The following CHN2 variants were observed in gnomAD, a reference collection of about 807,000 sequenced individuals.
CHN2 encodes beta-chimaerin.
In CHN2, 35 loss-of-function variants were observed where a neutral mutation model predicts 56.3. The ratio of observed to expected loss-of-function variants is 0.62; its 90% CI spans 0.47 to 0.82. The LOEUF (loss-of-function observed/expected upper bound fraction) is 0.82, where lower values mean the gene tolerates loss of function less well. CHN2 is among the 40% of genes least tolerant of loss of function. CHN2 has a pLI of 0.00. For missense variants in CHN2, 491 were observed against 580.5 expected, an observed-to-expected ratio of 0.85 and a Z score of 1.58; for synonymous variants, 210 against 212.8, an observed-to-expected ratio of 0.99 and a Z score of 0.12.
rs1783426446 is a variant in CHN2 at position 29,194,821 on chromosome 7, C to A, written c.-121C>A. The stretch of plus-strand genomic sequence containing the variant: ...AGAGTCCGGAGGCTGGTGCTTTCTG[C>A]GCGTCCCCAGGACTTTGCCATGGGC... On this transcript the variant is annotated 5_prime_UTR_variant, in exon 1 of 13. Coordinates refer to ENST00000222792, the MANE Select transcript of CHN2 (RefSeq NM_004067.4). 3 of 855,668 alleles carry A rather than the reference C, an allele frequency of 3.5e-6. No homozygotes were observed. The highest frequency in any genetic ancestry group is 3.7e-4 in the Middle Eastern group (1 of 2,690). The allele number at this position is 855,668 out of a possible 1,614,324, so 53.0% of individuals were successfully genotyped here.
intron 2 of CHN2, among the ~76,000 whole-genome samples, chr7:29,151,400 A>G (rs967852743): frequency 2.0e-5 from 3 of 152,224 alleles, no homozygotes; most frequent in Admixed American, 6.5e-5. Flanking sequence ...TACAAAAGGC[A>G]TATTTTCAGT....
rs564857342 is a variant in CHN2, at chr7:29,212,581, G to A, written c.49+17591G>A. 5.4e-5 allele frequency: 77 copies of A among 1,424,016 alleles called. No homozygotes were observed. In the Admixed American group the frequency reaches 6.0e-4, roughly 11 times the overall value. 88.2% of individuals were successfully genotyped at this position (1,424,016 alleles called of 1,614,324 possible). Reference sequence around the variant, plus strand: ...AAAAGGGAGACGAGGTCCCAGTCAAGAAACAGAAGACCAGAACTGTGTTTT... The same window carrying A: ...AAAAGGGAGACGAGGTCCCAGTCAAAAAACAGAAGACCAGAACTGTGTTTT... On this transcript the variant is annotated intron_variant, in intron 1 of 12. Transcript: ENST00000222792.
intron 1 of CHN2, among the ~76,000 whole-genome samples, chr7:29,277,852 G>A (rs755362403): frequency 3.9e-5 from 6 of 152,174 alleles, no homozygotes; most frequent in Non-Finnish European, 7.3e-5. Flanking sequence ...CATTTATTGA[G>A]TGTAGTTGTT....
chr7:29,252,451 G>T (rs998330133), intron 1 of CHN2, among the ~76,000 whole-genome samples: 1 of 151,512 alleles, frequency 6.6e-6, no homozygotes, highest in East Asian at 2.0e-4. Flanking sequence ...GCCTCCCAAA[G>T]TGCTGGGATT....
At chr7:29,472,416 A>AT (rs1786180892) in intron 6 of CHN2, among the ~76,000 whole-genome samples, 2 of 152,142 alleles carry the variant, frequency 1.3e-5, no homozygotes, top group African/African-American at 4.8e-5. Flanking sequence ...GAAAGTGTAG[A>AT]TTTCCCACAC....
chr7:29,512,914 A>G lies in CHN2; in HGVS notation c.*179A>G. The G allele has an allele frequency of 1.7e-6, 1 of 593,706 alleles. No individual in the cohort carries two copies. The highest frequency in any genetic ancestry group is 3.5e-5 in the Admixed American group (1 of 28,806). 36.8% of individuals were successfully genotyped at this position (593,706 alleles called of 1,614,324 possible). A position where few individuals can be genotyped will look rare whatever the true frequency, so the allele number is the denominator to read the frequency against. On this transcript the variant is annotated 3_prime_UTR_variant, in exon 13 of 13. Coordinates refer to ENST00000222792, the MANE Select transcript of CHN2 (RefSeq NM_004067.4). Reference sequence around the variant, plus strand: ...AGACATGCGCCACCTCCACGTGAGAACAAGGGTGAAGGTGAGGGAAGCCCC... The same window carrying G: ...AGACATGCGCCACCTCCACGTGAGAGCAAGGGTGAAGGTGAGGGAAGCCCC...
chr7:29,351,763 C>T (rs1196972008), intron 1 of CHN2, among the ~76,000 whole-genome samples: 2 of 152,104 alleles, frequency 1.3e-5, no homozygotes, highest in African/African-American at 2.4e-5. Flanking sequence ...AAATTGTCTA[C>T]GGTGGAGTCA....
At chr7:29,156,396 G>T (rs1460809554) in intron 2 of CHN2, among the ~76,000 whole-genome samples, 1 of 152,148 alleles carries the variant, frequency 6.6e-6, no homozygotes, top group African/African-American at 2.4e-5. Context: ...TTATAAATCT[G>T]AGGCACTGTA....
chr7:29,480,168 T>A, intron 6 of CHN2, 111 bp from the exon 7 acceptor site: 1 of 1,600,030 alleles, frequency 6.2e-7, no homozygotes, highest in Non-Finnish European at 8.5e-7. Flanking sequence ...GGTTCGGAAG[T>A]CTAAGCAGGG....
intron 2 of CHN2, among the ~76,000 whole-genome samples, chr7:29,155,477 C>T (rs763426739): frequency 3.3e-5 from 5 of 152,162 alleles, no homozygotes; most frequent in Non-Finnish European, 5.9e-5. Flanking sequence ...ATTATATTCT[C>T]CATTTTCTAA....
rs968701270 is a variant in CHN2, at chr7:29,343,084, T to C, written c.50-11541T>C. Among the ~76,000 whole-genome samples, 7 of 152,268 alleles carry C rather than the reference T, an allele frequency of 4.6e-5. No individual in the cohort carries two copies. In the East Asian group the frequency reaches 1.4e-3, roughly 29 times the overall value. ...GAAAACATTCCTTTGATGAAAATAA[T>C]TTGTAAAGAGGCAGGGAGCTACTGG... On this transcript the variant is annotated intron_variant, in intron 1 of 12. Coordinates refer to ENST00000222792, the MANE Select transcript of CHN2 (RefSeq NM_004067.4).
At chr7:29,256,622 C>T (rs1049392015) in intron 1 of CHN2, among the ~76,000 whole-genome samples, 2 of 152,148 alleles carry the variant, frequency 1.3e-5, no homozygotes, top group Non-Finnish European at 1.5e-5. Context: ...AGCTGGTGCT[C>T]ATGGATCATT....
At chr7:29,372,569 T>C (rs1005895665) in intron 3 of CHN2, among the ~76,000 whole-genome samples, 3 of 152,008 alleles carry the variant, frequency 2.0e-5, no homozygotes, top group Non-Finnish European at 2.9e-5. Flanking sequence ...CAAGCAACAG[T>C]GGGGAATCAG....
At chr7:29,276,401 C>T (rs1791222904) in intron 1 of CHN2, among the ~76,000 whole-genome samples, 1 of 152,168 alleles carries the variant, frequency 6.6e-6, no homozygotes, top group African/African-American at 2.4e-5. Flanking sequence ...CTGTCTCTGT[C>T]CAAGGCAGTT....
intron 1 of CHN2, among the ~76,000 whole-genome samples, chr7:29,248,786 C>T (rs1480307479): frequency 6.6e-6 from 1 of 152,154 alleles, no homozygotes; most frequent in Non-Finnish European, 1.5e-5. Context: ...AGACACACAC[C>T]AGTAAGTTGG....
chr7:29,402,692 A>G (rs1292929358), intron 6 of CHN2, among the ~76,000 whole-genome samples: 1 of 152,174 alleles, frequency 6.6e-6, no homozygotes, highest in Middle Eastern at 3.2e-3. Flanking sequence ...AAAAGAGGAG[A>G]GCAGGAGGAG....
intron 1 of CHN2, among the ~76,000 whole-genome samples, chr7:29,245,068 C>G (rs901516752): frequency 1.7e-4 from 26 of 152,230 alleles, no homozygotes; most frequent in African/African-American, 6.3e-4. Flanking sequence ...AGTAAGGTCT[C>G]TACCTGCAAT....
chr7:29,348,251 C>T (rs933392776), intron 1 of CHN2, among the ~76,000 whole-genome samples: 1 of 152,126 alleles, frequency 6.6e-6, no homozygotes, highest in African/African-American at 2.4e-5. Context: ...TCTTTGTTTT[C>T]CCTCAAAGAC....
intron 1 of CHN2, chr7:29,199,559 T>C (rs1783995132): frequency 1.3e-5 from 2 of 152,172 alleles, no homozygotes; most frequent in South Asian, 4.1e-4. Context: ...TAATCTCAAA[T>C]AAAAAACTTG....
Sources: allele counts gnomAD v4.1 joint callset (sites outside exome capture counted in the v4.1 genomes callset), GRCh38; gene constraint gnomAD v4.1.1; transcripts MANE v1.5; gene names NCBI Gene and HGNC (gene_info 2026-07-23, HGNC 2026-07-21).